COL8A1: variants seen among roughly 807,000 people sequenced by gnomAD.
The protein encoded by COL8A1 is collagen type VIII alpha 1 chain.
In COL8A1, 21 loss-of-function variants were observed where a neutral mutation model predicts 42.7. The ratio of observed to expected loss-of-function variants is 0.49; its 90% CI spans 0.35 to 0.71. The LOEUF (loss-of-function observed/expected upper bound fraction) is 0.71, where lower values mean the gene tolerates loss of function less well. Among genes scored for constraint, COL8A1 ranks in the 30% least tolerant of loss-of-function variants. The probability of loss-of-function intolerance (pLI) is 0.01; values close to 1 mark genes in which losing one functional copy is unlikely to be tolerated. For synonymous variants in COL8A1, 367 were observed against 369.1 expected, an observed-to-expected ratio of 0.99 and a Z score of 0.06; for missense variants, 788 against 962.4, an observed-to-expected ratio of 0.82 and a Z score of 2.40.
At chr3:99,745,862 T>C (rs567182915) in intron 2 of COL8A1, among the ~76,000 whole-genome samples, 71 of 152,166 alleles carry the variant, frequency 4.7e-4, no homozygotes, top group African/African-American at 1.5e-3. Flanking sequence ...ATACCGTCCA[T>C]TTCTGACAAG....
At chr3:99,778,335 T>A (rs1004336393) in intron 2 of COL8A1, among the ~76,000 whole-genome samples, 1 of 152,186 alleles carries the variant, frequency 6.6e-6, no homozygotes, top group South Asian at 2.1e-4. Context: ...ATCTTGGTTT[T>A]ACGAACAAGG....
At chr3:99,642,619 AC>A (rs1230668260) in intron 1 of COL8A1, among the ~76,000 whole-genome samples, 1 of 151,988 alleles carries the variant, frequency 6.6e-6, no homozygotes, top group African/African-American at 2.4e-5. Flanking sequence ...ACAAAAACTG[AC>A]CCTTCTCTCC....
At chr3:99,692,428 G>A (rs1157873895) in intron 1 of COL8A1, among the ~76,000 whole-genome samples, 2 of 152,204 alleles carry the variant, frequency 1.3e-5, no homozygotes, top group African/African-American at 4.8e-5. Context: ...CTGGTAACAA[G>A]TCTCTTTTGC....
chr3:99,666,461 G>A (rs1343154251), intron 1 of COL8A1, among the ~76,000 whole-genome samples: 1 of 152,144 alleles, frequency 6.6e-6, no homozygotes, highest in Admixed American at 6.5e-5. Context: ...TCACTGGGTT[G>A]TCTTTCTTCC....
intron 1 of COL8A1, among the ~76,000 whole-genome samples, chr3:99,669,146 T>TAGAG (rs71625531): frequency 5.2e-5 from 6 of 115,364 alleles, no homozygotes; most frequent in African/African-American, 1.8e-4. Flanking sequence ...TATATATATA[T>TAGAG]AGAGGGAGAG....
At chr3:99,785,500 AG>A (rs1271580291) in intron 2 of COL8A1, among the ~76,000 whole-genome samples, 1 of 152,210 alleles carries the variant, frequency 6.6e-6, no homozygotes, top group Non-Finnish European at 1.5e-5. Context: ...AAGGTGGGGA[AG>A]GCTTCACAGA....
Position 99,796,061 on chromosome 3 carries a change from A to T in COL8A1, c.2160A>T (p.Ser720=). 6.2e-7 allele frequency: 1 copy of T among 1,611,006 alleles called. No homozygotes were observed. The change falls in exon 4 of 4, where the codon TCA becomes TCT. Residue 720 remains serine, a synonymous_variant. Coordinates refer to ENST00000652472, the MANE Select transcript of COL8A1 (RefSeq NM_020351.4). ...ACCGGGTGTTCCTCCAGATGCCCTC[A>T]GAACAGGCTGCAGGACTGTATGCCG... The part of the protein sequence containing the change: ...PGDRVFLQMP[S]EQAAGLYAGQ...
At chr3:99,657,757 ACT>A (rs572755672) in intron 1 of COL8A1, among the ~76,000 whole-genome samples, 81 of 151,918 alleles carry the variant, frequency 5.3e-4, no homozygotes, top group African/African-American at 1.8e-3. Flanking sequence ...TGGAGACTTT[ACT>A]CTTAATTGTT....
chr3:99,737,156 A>C, intron 1 of COL8A1, among the ~76,000 whole-genome samples: 1 of 152,208 alleles, frequency 6.6e-6, no homozygotes, highest in East Asian at 1.9e-4. Context: ...TCCTGAACAC[A>C]GCACACTGAT....
At chr3:99,649,417 T>C (rs970593774) in intron 1 of COL8A1, among the ~76,000 whole-genome samples, 2 of 152,128 alleles carry the variant, frequency 1.3e-5, no homozygotes, top group African/African-American at 4.8e-5. Context: ...TAAAATAAGT[T>C]GACGGTGAAT....
At chr3:99,754,229 A>G (rs1489850239) in intron 2 of COL8A1, among the ~76,000 whole-genome samples, 1 of 152,228 alleles carries the variant, frequency 6.6e-6, no homozygotes, top group Non-Finnish European at 1.5e-5. Flanking sequence ...CACCTGCTAT[A>G]CAATCTTAGA....
chr3:99,681,048 C>T (rs1938864375), intron 1 of COL8A1, among the ~76,000 whole-genome samples: 1 of 152,096 alleles, frequency 6.6e-6, no homozygotes, highest in Non-Finnish European at 1.5e-5. Context: ...AGAAGAAAAC[C>T]TAGGCAATAC....
At chr3:99,681,218 G>A (rs894961902) in intron 1 of COL8A1, among the ~76,000 whole-genome samples, 8 of 152,074 alleles carry the variant, frequency 5.3e-5, no homozygotes, top group Non-Finnish European at 1.0e-4. Flanking sequence ...CAGAATGGGA[G>A]AAAATTTTTA....
intron 1 of COL8A1, among the ~76,000 whole-genome samples, chr3:99,744,215 C>A (rs1013687629): frequency 3.9e-5 from 6 of 152,244 alleles, no homozygotes; most frequent in Non-Finnish European, 8.8e-5. Context: ...CAGGCGTCAG[C>A]CACCGTGCCT....
intron 1 of COL8A1, among the ~76,000 whole-genome samples, chr3:99,649,715 T>C (rs1937777390): frequency 6.6e-6 from 1 of 152,026 alleles, no homozygotes; most frequent in South Asian, 2.1e-4. Context: ...GCTTCCACAT[T>C]CCACATCTCC....
intron 1 of COL8A1, among the ~76,000 whole-genome samples, chr3:99,725,705 C>T (rs1172413254): frequency 6.6e-6 from 1 of 151,236 alleles, no homozygotes; most frequent in Non-Finnish European, 1.5e-5. Flanking sequence ...GAGAATGATG[C>T]TTTCCAGTTT....
intron 2 of COL8A1, among the ~76,000 whole-genome samples, chr3:99,786,901 C>G (rs1941906889): frequency 6.6e-6 from 1 of 152,168 alleles, no homozygotes; most frequent in East Asian, 1.9e-4. Context: ...TTCTGCCTGA[C>G]TTTCCCTTGC....
chr3:99,646,547 A>C (rs1327148549), intron 1 of COL8A1, among the ~76,000 whole-genome samples: 1 of 152,202 alleles, frequency 6.6e-6, no homozygotes, highest in Non-Finnish European at 1.5e-5. Context: ...AAAGATACTA[A>C]TTAAGCATGC....
At chr3:99,770,891 A>G (rs767025334) in intron 2 of COL8A1, among the ~76,000 whole-genome samples, 36 of 152,234 alleles carry the variant, frequency 2.4e-4, no homozygotes, top group Non-Finnish European at 3.1e-4. Flanking sequence ...GCTATGAATG[A>G]GGCCATGTGA....
Sources: allele counts gnomAD v4.1 joint callset (sites outside exome capture counted in the v4.1 genomes callset), GRCh38; gene constraint gnomAD v4.1.1; transcripts MANE v1.5; gene names NCBI Gene and HGNC (gene_info 2026-07-23, HGNC 2026-07-21).